The following AP3B1 variants were observed in gnomAD, a reference collection of about 807,000 sequenced individuals.
AP3B1 encodes the protein AP-3 complex subunit beta-1.
AP3B1 carries 61 observed loss-of-function variants against 132.5 expected under a neutral mutation model. The observed-to-expected ratio is 0.46, with a 90% CI of 0.37 to 0.57. The LOEUF is 0.57. Ranked by LOEUF, AP3B1 falls within the 20% of genes least tolerant of loss-of-function variation. AP3B1 has a pLI of 0.00. For missense variants in AP3B1, 1,120 were observed against 1,289.4 expected, an observed-to-expected ratio of 0.87 and a Z score of 2.01; for synonymous variants, 388 against 438.3, an observed-to-expected ratio of 0.89 and a Z score of 1.43.
chr5:78,184,298 G>A (rs1326917326), intron 7 of AP3B1, among the ~76,000 whole-genome samples: 4 of 151,966 alleles, frequency 2.6e-5, no homozygotes, highest in African/African-American at 4.8e-5. Flanking sequence ...AGCAGAGGAG[G>A]GGGACAAAAG....
At chr5:78,119,132 G>T (rs1432072501) in intron 17 of AP3B1, among the ~76,000 whole-genome samples, 1 of 152,188 alleles carries the variant, frequency 6.6e-6, no homozygotes, top group Non-Finnish European at 1.5e-5. Context: ...TGAGGGTCCT[G>T]TCTGTTAGAA....
At chr5:78,284,259 G>C (rs141281718) in intron 1 of AP3B1, among the ~76,000 whole-genome samples, 1 of 152,110 alleles carries the variant, frequency 6.6e-6, no homozygotes, top group Non-Finnish European at 1.5e-5. Flanking sequence ...TCTAAACCTA[G>C]GTATATGCTA....
chr5:78,207,120 T>C (rs887738800), intron 7 of AP3B1, among the ~76,000 whole-genome samples: 11 of 151,950 alleles, frequency 7.2e-5, no homozygotes, highest in Non-Finnish European at 8.8e-5. Context: ...TAGGCAGGTG[T>C]GGTGGCAGGC....
At chr5:78,123,120 G>T (rs1304490407) in intron 17 of AP3B1, among the ~76,000 whole-genome samples, 1 of 152,214 alleles carries the variant, frequency 6.6e-6, no homozygotes, top group Non-Finnish European at 1.5e-5. Flanking sequence ...TTAATAAATG[G>T]TGCTGGGAAA....
intron 1 of AP3B1, among the ~76,000 whole-genome samples, chr5:78,279,329 A>G (rs1580585452): frequency 6.6e-6 from 1 of 152,224 alleles, no homozygotes; most frequent in East Asian, 1.9e-4. Flanking sequence ...TCTGAAGCTT[A>G]TAACACTGTC....
intron 22 of AP3B1, among the ~76,000 whole-genome samples, chr5:78,074,064 T>A (rs1016731523): frequency 2.6e-5 from 4 of 152,268 alleles, no homozygotes; most frequent in Admixed American, 6.5e-5. Context: ...ACAACTAACA[T>A]TATGAGTACT....
At chr5:78,130,766 G>A (rs1752653000) in intron 15 of AP3B1, among the ~76,000 whole-genome samples, 1 of 151,966 alleles carries the variant, frequency 6.6e-6, no homozygotes, top group South Asian at 2.1e-4. Context: ...TTTCTCAAAT[G>A]TGGAGTTAGA....
chr5:78,195,079 T>A (rs200812487), intron 7 of AP3B1, among the ~76,000 whole-genome samples: 67 of 146,538 alleles, frequency 4.6e-4, no homozygotes, highest in Middle Eastern at 3.5e-3. Context: ...AAAAAAAAAA[T>A]TTAAAAAAAT....
chr5:78,130,864 A>G (rs1297880694), intron 15 of AP3B1, among the ~76,000 whole-genome samples: 1 of 151,854 alleles, frequency 6.6e-6, no homozygotes, highest in African/African-American at 2.4e-5. Flanking sequence ...CTTAATTGCA[A>G]TGATTTTTTT....
intron 2 of AP3B1, among the ~76,000 whole-genome samples, chr5:78,260,205 C>T (rs1262518142): frequency 1.3e-5 from 2 of 152,006 alleles, no homozygotes; most frequent in Non-Finnish European, 1.5e-5. Context: ...AAACCTGTTC[C>T]GACAGGCAAG....
At position 78,110,565 on chromosome 5, in the gene AP3B1, T is replaced by C. The variant is rs540591354; in HGVS notation, c.2250-211A>G. Among the ~76,000 whole-genome samples, 259 of 152,116 alleles carry C rather than the reference T, an allele frequency of 1.7e-3. 1 individual carries two copies. The highest frequency in any genetic ancestry group is 5.0e-3 in the Admixed American group (77 of 15,262). ...AGTCATAAAATGACACTAAACAATA[T>C]AATCAAAAGCAATGTAGAAAACATT... is the stretch of plus-strand genomic sequence containing the variant. On this transcript the variant is annotated intron_variant, in intron 19 of 26. Transcript: ENST00000255194.
chr5:78,119,143 G>C (rs1752022268), intron 17 of AP3B1, among the ~76,000 whole-genome samples: 1 of 152,046 alleles, frequency 6.6e-6, no homozygotes, highest in African/African-American at 2.4e-5. Flanking sequence ...TCTGTTAGAA[G>C]GAAAACTAAC....
intron 19 of AP3B1, among the ~76,000 whole-genome samples, chr5:78,111,884 A>C (rs1170630139): frequency 6.6e-6 from 1 of 152,224 alleles, no homozygotes; most frequent in Admixed American, 6.5e-5. Context: ...ATATTTAGAA[A>C]GGTTAAATAA....
Position 78,162,716 on chromosome 5 carries a change from G to A in AP3B1, c.1363+103C>T. On this transcript the variant is annotated intron_variant, in intron 13 of 26. Transcript: ENST00000255194. ...TTGTGACCATACTACTGATATAACTGGAAAAGCTAAAATGCAAAGTTAGAA... is the reference window on the plus strand; with the variant it reads ...TTGTGACCATACTACTGATATAACTAGAAAAGCTAAAATGCAAAGTTAGAA... 7 of 1,304,754 alleles carry A rather than the reference G, an allele frequency of 5.4e-6. No homozygotes were observed. The Middle Eastern group carries it at 7.3e-4, about 135-fold the overall frequency. The allele number at this position is 1,304,754 out of a possible 1,614,324, so 80.8% of individuals were successfully genotyped here.
At chr5:78,186,880 T>C (rs907029756) in intron 7 of AP3B1, among the ~76,000 whole-genome samples, 3 of 152,184 alleles carry the variant, frequency 2.0e-5, no homozygotes, top group African/African-American at 7.2e-5. Flanking sequence ...ACACCTTTCA[T>C]CAAAAGTACA....
chr5:78,240,924 C>G lies in AP3B1; in HGVS notation c.217G>C (p.Gly73Arg). 6.2e-7 allele frequency: 1 copy of G among 1,612,166 alleles called. No homozygotes were observed. The highest frequency in any genetic ancestry group is 8.5e-7 in the Non-Finnish European group (1 of 1,178,570). ...MKRIVGMIAK[G>R]KNASELFPAV... Reference sequence around the variant, plus strand: ...GGAAACAGTTCAGATGCATTTTTCCCTTTTGCAATCATCTGAAGAATAAAC... The same window carrying G: ...GGAAACAGTTCAGATGCATTTTTCCGTTTTGCAATCATCTGAAGAATAAAC... The change falls in exon 3 of 27, where the codon GGG (glycine) becomes CGG (arginine). Residue 73 changes from glycine to arginine, a missense_variant. Physicochemically the swap from Gly to Arg is moderately radical, Grantham distance 125. This residue lies in a region of AP3B1 where 129 missense variants were observed against 212.4 expected (regional missense o/e 0.61). Transcript: ENST00000255194.
At chr5:78,178,047 G>A (rs1339744010) in intron 8 of AP3B1, among the ~76,000 whole-genome samples, 3 of 152,146 alleles carry the variant, frequency 2.0e-5, no homozygotes, top group African/African-American at 7.2e-5. Context: ...ACTGCTCAAG[G>A]TGTAACAGCT....
intron 13 of AP3B1, among the ~76,000 whole-genome samples, chr5:78,160,413 G>A (rs1388962612): frequency 6.6e-6 from 1 of 152,108 alleles, no homozygotes; most frequent in Non-Finnish European, 1.5e-5. Flanking sequence ...CTTACTAAAG[G>A]TCTATAAGAA....
At chr5:78,264,982 T>C (rs189316321) in intron 2 of AP3B1, among the ~76,000 whole-genome samples, 5 of 152,294 alleles carry the variant, frequency 3.3e-5, no homozygotes, top group Admixed American at 6.5e-5. Flanking sequence ...GGCTCTTACA[T>C]CCCATTAAGG....
Sources: gnomAD v4.1 joint callset for allele counts (sites outside exome capture counted in the v4.1 genomes callset) on GRCh38, gnomAD v4.1.1 for gene constraint, gnomAD v4.1.1 regional missense constraint, MANE v1.5 for transcripts, NCBI Gene and HGNC (gene_info 2026-07-23, HGNC 2026-07-21) for gene names.